PNPLA8: variants seen among roughly 807,000 people sequenced by gnomAD.
PNPLA8 encodes patatin like domain 8, phospholipase A2, also known as calcium-independent phospholipase A2-gamma.
In PNPLA8, 39 loss-of-function variants were observed where a neutral mutation model predicts 76.9. That is an observed-to-expected ratio of 0.51 (90% CI 0.39 to 0.66). PNPLA8 has a LOEUF of 0.66. PNPLA8 is among the 30% of genes least tolerant of loss of function. The pLI is 0.00. For synonymous variants in PNPLA8, 301 were observed against 307.9 expected, an observed-to-expected ratio of 0.98 and a Z score of 0.24; for missense variants, 887 against 918.0, an observed-to-expected ratio of 0.97 and a Z score of 0.44.
rs1043416418 is a variant in PNPLA8, at chr7:108,481,920, G to C, written c.1879-2541C>G. On this transcript the variant is annotated intron_variant, in intron 9 of 10. Transcript: ENST00000257694. ...GGGTCTAGGAGAAAAGACAGGGAGAGAGAAAGATGACCAATTGTTTCAACA... is the reference window on the plus strand; with the variant it reads ...GGGTCTAGGAGAAAAGACAGGGAGACAGAAAGATGACCAATTGTTTCAACA... Among the ~76,000 whole-genome samples the C allele has an allele frequency of 4.6e-5, 7 of 152,286 alleles. No homozygotes were observed. The East Asian group carries it at 1.4e-3, about 29-fold the overall frequency.
At position 108,504,103 on chromosome 7, in the gene PNPLA8, A is replaced by G. The variant is rs189516316; in HGVS notation, c.1207-1461T>C. On this transcript the variant is annotated intron_variant, in intron 4 of 10. Coordinates refer to ENST00000257694, the MANE Select transcript of PNPLA8 (RefSeq NM_001256007.3). ...AAACTAGAGGTCTTACCCAAACTGT[A>G]ATACAGCCTTGATCCAGATTTGACC... Among the ~76,000 whole-genome samples the G allele has an allele frequency of 3.2e-3, 489 of 152,340 alleles. 6 individuals carry two copies. Among genetic ancestry groups the G allele is most frequent in the Middle Eastern group, 0.01 (3 of 294 alleles).
At chr7:108,490,175 A>T (rs1861041095) in intron 8 of PNPLA8, among the ~76,000 whole-genome samples, 1 of 146,722 alleles carries the variant, frequency 6.8e-6, no homozygotes. Context: ...TATTCAGTAT[A>T]GTCACCTGCT....
chr7:108,526,224 G>T, upstream of PNPLA8: 1 of 376,426 alleles, frequency 2.7e-6, no homozygotes, highest in Non-Finnish European at 3.7e-6. Context: ...TCTACCCGCG[G>T]GCCGGGGTGA....
intron 4 of PNPLA8, among the ~76,000 whole-genome samples, chr7:108,506,606 C>T (rs1335422417): frequency 6.6e-6 from 1 of 151,950 alleles, no homozygotes; most frequent in South Asian, 2.1e-4. Context: ...AGTACTACTA[C>T]TAAATATTCC....
chr7:108,511,931 T>C (rs1417238850), intron 4 of PNPLA8, among the ~76,000 whole-genome samples: 1 of 152,240 alleles, frequency 6.6e-6, no homozygotes, highest in Non-Finnish European at 1.5e-5. Flanking sequence ...CACTGTTTGC[T>C]TCCCCTTCCA....
intron 4 of PNPLA8, among the ~76,000 whole-genome samples, chr7:108,503,019 C>G (rs1327839677): frequency 6.6e-6 from 1 of 152,112 alleles, no homozygotes; most frequent in South Asian, 2.1e-4. Context: ...ACAGTAACTA[C>G]TAGAAGTTAA....
intron 5 of PNPLA8, among the ~76,000 whole-genome samples, chr7:108,502,185 G>A (rs976534219): frequency 9.9e-5 from 15 of 151,684 alleles, no homozygotes; most frequent in African/African-American, 3.1e-4. Context: ...GCTCGCGCCT[G>A]TAATCCTAGC....
chr7:108,519,084 A>G (rs2154517047), intron 2 of PNPLA8, among the ~76,000 whole-genome samples: 1 of 149,088 alleles, frequency 6.7e-6, no homozygotes, highest in East Asian at 1.9e-4. Context: ...AAAAAAAAAG[A>G]GGTTAAAAAC....
At chr7:108,509,717 C>T (rs1862748908) in intron 4 of PNPLA8, among the ~76,000 whole-genome samples, 1 of 151,456 alleles carries the variant, frequency 6.6e-6, no homozygotes, top group Non-Finnish European at 1.5e-5. Context: ...GCTATAAAGA[C>T]ACATGCACAC....
rs539943926 is a variant in PNPLA8 at position 108,514,443 on chromosome 7, C to T, written c.1049G>A (p.Arg350Gln). Residue 350 changes from arginine to glutamine, a missense_variant, in exon 3 of 11, where the codon CGA becomes CAA. By Grantham distance (43) the Arg-to-Gln change is conservative. Coordinates refer to ENST00000257694, the MANE Select transcript of PNPLA8 (RefSeq NM_001256007.3). ...GCACACTGAACAACTTGCCTTTTCT[C>T]GCTGAAGAGATAAACGCTTTTTCTC... ...AEEKKRLSLQ[R>Q]EKIIARVSID... 637 of 1,603,198 alleles carry T rather than the reference C, an allele frequency of 4.0e-4. 6 individuals carry two copies. The South Asian group carries it at 6.7e-3, about 17-fold the overall frequency.
intron 8 of PNPLA8, 51 bp from the exon 9 acceptor site, chr7:108,488,004 G>C (rs774128364): frequency 2.8e-5 from 32 of 1,140,244 alleles, no homozygotes; most frequent in Middle Eastern, 4.1e-4. Flanking sequence ...ATATATTTGG[G>C]ATCTGTAAAA....
chr7:108,490,186 G>A (rs1191680596), intron 8 of PNPLA8, among the ~76,000 whole-genome samples: 1 of 136,568 alleles, frequency 7.3e-6, no homozygotes. Context: ...GTCACCTGCT[G>A]TACAGGTTTA....
In PNPLA8 at chr7:108,479,789, T is replaced by C. The variant is rs192916094; in HGVS notation, c.1879-410A>G. ...CAAATAAAACCAAATAATTCTAAGT[T>C]AGTTCAAATTCTATCAACAATACAA... is the stretch of plus-strand genomic sequence containing the variant. On this transcript the variant is annotated intron_variant, in intron 9 of 10. Coordinates refer to ENST00000257694, the MANE Select transcript of PNPLA8 (RefSeq NM_001256007.3). 1.4e-4 allele frequency among the ~76,000 whole-genome samples: 21 copies of C among 152,356 alleles called. No homozygotes were observed. The East Asian group carries it at 3.9e-3, about 28-fold the overall frequency.
chr7:108,520,013 A>G (rs769795921), intron 2 of PNPLA8, among the ~76,000 whole-genome samples: 1 of 152,150 alleles, frequency 6.6e-6, no homozygotes, highest in Non-Finnish European at 1.5e-5. Flanking sequence ...GCCGCTCGAG[A>G]GAATTACCTC....
rs1178599287 is a variant in PNPLA8, at chr7:108,514,167, C to T, written c.1183G>A (p.Glu395Lys). 6.2e-7 allele frequency: 1 copy of T among 1,605,622 alleles called. No individual in the cohort carries two copies. Among genetic ancestry groups the T allele is most frequent in the South Asian group, 1.1e-5 (1 of 89,880 alleles). ...ELTFHLLEFP[E>K]GKGVAVKERI... ...ACCTTGACAGCCACTCCTTTTCCTT[C>T]AGGAAATTCTAGAAGATGAAAAGTC... Residue 395 changes from glutamate (E) to lysine (K), a missense_variant, in exon 4 of 11, where the codon GAA becomes AAA. Glu to Lys is a moderately conservative substitution (Grantham distance 56). Transcript: ENST00000257694.
Position 108,493,568 on chromosome 7 carries a change from C to CTT in PNPLA8, c.1626-2103_1626-2102dup, listed in dbSNP as rs34935118. Among the ~76,000 whole-genome samples, 353 of 81,208 alleles carry CTT rather than the reference C, an allele frequency of 4.3e-3. 3 individuals are homozygous for CTT. Among genetic ancestry groups the CTT allele is most frequent in the African/African-American group, 0.011 (221 of 20,948 alleles). The allele number at this position is 81,208 out of a possible 152,430, so 53.3% of individuals were successfully genotyped here. A position where few individuals can be genotyped will look rare whatever the true frequency, so the allele number is the denominator to read the frequency against. Reference sequence around the variant, plus strand: ...TACAGGCGCCCGCCCCCATGCCTGGCTTTTTTTTTTTTTTTTTTTTTTTTT... The same window carrying CTT: ...TACAGGCGCCCGCCCCCATGCCTGGCTTTTTTTTTTTTTTTTTTTTTTTTTTT... On this transcript the variant is annotated intron_variant, in intron 7 of 10. Coordinates refer to ENST00000257694, the MANE Select transcript of PNPLA8 (RefSeq NM_001256007.3).
At chr7:108,483,701 G>C (rs1472473194) in intron 9 of PNPLA8, among the ~76,000 whole-genome samples, 2 of 152,160 alleles carry the variant, frequency 1.3e-5, no homozygotes, top group East Asian at 3.8e-4. Context: ...TTTGTTGAAA[G>C]TCATAAATTG....
intron 1 of PNPLA8, among the ~76,000 whole-genome samples, chr7:108,521,957 A>G (rs930621166): frequency 6.6e-6 from 1 of 152,170 alleles, no homozygotes; most frequent in East Asian, 1.9e-4. Context: ...GTGCCTCATT[A>G]TACCCCTCCA....
At chr7:108,500,721 C>T (rs1861872648) in intron 5 of PNPLA8, among the ~76,000 whole-genome samples, 1 of 152,058 alleles carries the variant, frequency 6.6e-6, no homozygotes, top group Non-Finnish European at 1.5e-5. Context: ...ACCAGCCTTG[C>T]CAACATGGTG....
Sources: allele counts gnomAD v4.1 joint callset (sites outside exome capture counted in the v4.1 genomes callset), GRCh38; gene constraint gnomAD v4.1.1; transcripts MANE v1.5; gene names NCBI Gene and HGNC (gene_info 2026-07-23, HGNC 2026-07-21).